The following ATRN variants were observed in gnomAD, a reference collection of about 807,000 sequenced individuals.
ATRN encodes attractin-2.
A neutral mutation model predicts 178.7 loss-of-function variants in ATRN; 54 were observed. The ratio of observed to expected loss-of-function variants is 0.30; its 90% CI spans 0.24 to 0.38. The LOEUF is 0.38. Ranked by LOEUF, ATRN falls within the 10% of genes least tolerant of loss-of-function variation. ATRN has a pLI of 1.00. For missense variants in ATRN, 1,443 were observed against 1,815.1 expected, an observed-to-expected ratio of 0.79 and a Z score of 3.73; for synonymous variants, 636 against 663.0, an observed-to-expected ratio of 0.96 and a Z score of 0.63.
At chr20:3,526,586 T>C (rs1468012164) in intron 1 of ATRN, among the ~76,000 whole-genome samples, 1 of 152,184 alleles carries the variant, frequency 6.6e-6, no homozygotes, top group East Asian at 1.9e-4. Flanking sequence ...AAAAAACTAC[T>C]TTAAATTTCA....
In ATRN at chr20:3,497,186, G is replaced by A. The variant is rs1047443855; in HGVS notation, c.410+25669G>A. Among the ~76,000 whole-genome samples the A allele has an allele frequency of 2.3e-4, 34 of 148,248 alleles. No homozygotes were observed. In the East Asian group the frequency reaches 5.6e-3, roughly 24 times the overall value. ...ATTTAAAGTTAATATTGTTATGTGT[G>A]AATTTGATCCTGTCATTATGATGTT... On this transcript the variant is annotated intron_variant, in intron 1 of 28. Coordinates refer to ENST00000262919, the MANE Select transcript of ATRN (RefSeq NM_139321.3).
At chr20:3,633,579 C>A (rs543746284) in intron 25 of ATRN, among the ~76,000 whole-genome samples, 7 of 152,270 alleles carry the variant, frequency 4.6e-5, no homozygotes, top group African/African-American at 1.7e-4. Flanking sequence ...AGTAAAAATG[C>A]AGTTATAGCA....
chr20:3,526,584 A>G (rs1239345011), intron 1 of ATRN, among the ~76,000 whole-genome samples: 2 of 152,212 alleles, frequency 1.3e-5, no homozygotes, highest in African/African-American at 4.8e-5. Context: ...AGAAAAAACT[A>G]CTTTAAATTT....
chr20:3,554,019 A>T (rs2085826412), intron 6 of ATRN, among the ~76,000 whole-genome samples: 1 of 151,568 alleles, frequency 6.6e-6, no homozygotes, highest in Middle Eastern at 3.4e-3. Context: ...AGGTACTCAG[A>T]TAGGTATTTA....
intron 5 of ATRN, among the ~76,000 whole-genome samples, chr20:3,548,197 A>G (rs2085736006): frequency 6.6e-6 from 1 of 152,220 alleles, no homozygotes; most frequent in Admixed American, 6.5e-5. Context: ...GATAGTTTGT[A>G]TGATTGCTCC....
chr20:3,545,725 T>C, intron 3 of ATRN, 37 bp from the exon 4 acceptor site: 3 of 1,605,950 alleles, frequency 1.9e-6, no homozygotes, highest in Non-Finnish European at 1.7e-6. Flanking sequence ...TGTCTGTGCT[T>C]GTGCTTCCCT....
At chr20:3,522,064 A>C (rs1372567944) in intron 1 of ATRN, among the ~76,000 whole-genome samples, 1 of 152,138 alleles carries the variant, frequency 6.6e-6, no homozygotes, top group African/African-American at 2.4e-5. Context: ...TGCTAGGGTT[A>C]TAGACGTGAG....
At chr20:3,643,047 A>G (rs1286434828) in intron 27 of ATRN, among the ~76,000 whole-genome samples, 1 of 152,124 alleles carries the variant, frequency 6.6e-6, no homozygotes, top group Non-Finnish European at 1.5e-5. Context: ...TGTAGCCTCA[A>G]ACTCTTGGGC....
intron 1 of ATRN, among the ~76,000 whole-genome samples, chr20:3,527,424 A>G (rs996874469): frequency 6.6e-6 from 1 of 152,204 alleles, no homozygotes; most frequent in African/African-American, 2.4e-5. Context: ...GCAGGAAACA[A>G]CAGATGCTGG....
chr20:3,594,657 C>T, intron 20 of ATRN, 85 bp downstream of exon 20: 1 of 1,141,572 alleles, frequency 8.8e-7, no homozygotes, highest in Non-Finnish European at 1.2e-6. Flanking sequence ...CACCCACTTC[C>T]CTGTGTCTTG....
intron 3 of ATRN, among the ~76,000 whole-genome samples, chr20:3,544,966 T>C (rs1370646950): frequency 6.6e-6 from 1 of 152,140 alleles, no homozygotes; most frequent in Non-Finnish European, 1.5e-5. Context: ...TAAAATGGAA[T>C]ATACAATGTA....
intron 8 of ATRN, among the ~76,000 whole-genome samples, chr20:3,561,486 A>C (rs1051074177): frequency 1.4e-4 from 22 of 152,210 alleles, no homozygotes; most frequent in African/African-American, 5.3e-4. Flanking sequence ...AAAATAAATA[A>C]ATAAAAATGG....
chr20:3,631,191 C>T (rs1003596338), intron 25 of ATRN, among the ~76,000 whole-genome samples: 1 of 151,946 alleles, frequency 6.6e-6, no homozygotes, highest in African/African-American at 2.4e-5. Context: ...CTCAAGCAGT[C>T]CTCCCATCTC....
intron 1 of ATRN, among the ~76,000 whole-genome samples, chr20:3,531,408 A>G (rs2085451523): frequency 6.6e-6 from 1 of 152,210 alleles, no homozygotes; most frequent in East Asian, 1.9e-4. Flanking sequence ...TTCTACTCTT[A>G]GACATAAAAG....
At chr20:3,602,862 C>G (rs1191205888) in intron 23 of ATRN, among the ~76,000 whole-genome samples, 1 of 145,468 alleles carries the variant, frequency 6.9e-6, no homozygotes, top group African/African-American at 2.6e-5. Flanking sequence ...ACTTGGGAGG[C>G]TGAGGCAGGA....
chr20:3,591,362 C>T (rs1356008846), intron 19 of ATRN, 56 bp downstream of exon 19: 20 of 1,542,916 alleles, frequency 1.3e-5, no homozygotes, highest in Non-Finnish European at 1.7e-5. Flanking sequence ...CACAGCACTT[C>T]TATTTGACTT....
At chr20:3,535,177 A>C (rs1166497270) in intron 1 of ATRN, 76 bp from the exon 2 acceptor site, 1 of 548,248 alleles carries the variant, frequency 1.8e-6, no homozygotes, top group Non-Finnish European at 2.6e-6. Context: ...TTAATATATG[A>C]AAATATATAA....
chr20:3,528,097 G>A (rs182140081), intron 1 of ATRN, among the ~76,000 whole-genome samples: 9 of 151,890 alleles, frequency 5.9e-5, no homozygotes, highest in Non-Finnish European at 1.2e-4. Flanking sequence ...AAGGCCGGGC[G>A]TGGTGGCTCA....
intron 1 of ATRN, among the ~76,000 whole-genome samples, chr20:3,496,911 T>A (rs539133641): frequency 6.6e-6 from 1 of 150,914 alleles, no homozygotes; most frequent in African/African-American, 2.4e-5. Flanking sequence ...TTTACCATTA[T>A]GTAATGGCCT....
Sources: allele counts gnomAD v4.1 joint callset (sites outside exome capture counted in the v4.1 genomes callset), GRCh38; gene constraint gnomAD v4.1.1; transcripts MANE v1.5; gene names NCBI Gene and HGNC (gene_info 2026-07-23, HGNC 2026-07-21).